The following C9orf153 variants were observed in gnomAD, a reference collection of about 807,000 sequenced individuals.
C9orf153 encodes uncharacterized protein C9orf153.
Under a neutral mutation model 9.0 loss-of-function variants are expected in C9orf153, and 10 were observed. That is an observed-to-expected ratio of 1.11 (90% confidence interval 0.69 to 1.89). The LOEUF is 1.89. C9orf153 is among the 40% of genes most tolerant of loss of function. C9orf153 has a pLI of 0.00. For missense variants in C9orf153, 108 were observed against 111.0 expected (o/e 0.97, Z 0.12); for synonymous variants, 35 against 37.3 (o/e 0.94, Z 0.23).
intron 1 of C9orf153, among the ~76,000 whole-genome samples, chr9:86,249,649 AGC>A (rs1415236965): frequency 6.6e-6 from 1 of 151,988 alleles, no homozygotes; most frequent in African/African-American, 2.4e-5. Context: ...CCCGAGTTCA[AGC>A]AATTCTTCTG....
intron 1 of C9orf153, among the ~76,000 whole-genome samples, chr9:86,255,268 T>C (rs1825096060): frequency 6.6e-6 from 1 of 152,180 alleles, no homozygotes; most frequent in Admixed American, 6.5e-5. Context: ...AAAGTAGGAC[T>C]GACAGAAATA....
At chr9:86,251,291 A>T (rs142762446) in intron 1 of C9orf153, among the ~76,000 whole-genome samples, 18 of 152,310 alleles carry the variant, frequency 1.2e-4, no homozygotes, top group Non-Finnish European at 1.5e-4. Context: ...ACTTATTTAG[A>T]TCTGTTAGTA....
chr9:86,243,469 CTTTT>C (rs11297338), intron 1 of C9orf153, among the ~76,000 whole-genome samples: 1 of 134,708 alleles, frequency 7.4e-6, no homozygotes, highest in Non-Finnish European at 1.6e-5. Context: ...TTCTTTTCTT[CTTTT>C]TTTTTTTTTG....
At chr9:86,236,934 CTAAA>C (rs1338468352) in intron 1 of C9orf153, among the ~76,000 whole-genome samples, 11 of 129,828 alleles carry the variant, frequency 8.5e-5, no homozygotes, top group Admixed American at 8.2e-4. Flanking sequence ...GACCCCGTCT[CTAAA>C]TAAAAAAAAA....
intron 3 of C9orf153, among the ~76,000 whole-genome samples, chr9:86,226,254 T>G (rs1824329209): frequency 6.6e-6 from 1 of 152,232 alleles, no homozygotes. Context: ...CTTCCAACTC[T>G]TTGGACCAAA....
chr9:86,226,940 A>G (rs1824350760), intron 3 of C9orf153, among the ~76,000 whole-genome samples: 1 of 151,908 alleles, frequency 6.6e-6, no homozygotes, highest in Admixed American at 6.6e-5. Flanking sequence ...AATTTTTTGT[A>G]TTTTTAGTAG....
At chr9:86,256,258 G>A (rs563779894) in intron 1 of C9orf153, among the ~76,000 whole-genome samples, 22 of 152,258 alleles carry the variant, frequency 1.4e-4, no homozygotes, top group Non-Finnish European at 2.5e-4. Flanking sequence ...CACTATGTGC[G>A]TTCACAGATG....
At chr9:86,232,734 T>C (rs780048942) in intron 1 of C9orf153, among the ~76,000 whole-genome samples, 10 of 152,092 alleles carry the variant, frequency 6.6e-5, no homozygotes, top group Non-Finnish European at 1.2e-4. Context: ...ATTCTTTTTC[T>C]TTTCTTTTCT....
intron 1 of C9orf153, among the ~76,000 whole-genome samples, chr9:86,246,639 G>A (rs1228132452): frequency 2.6e-5 from 4 of 152,104 alleles, no homozygotes; most frequent in Admixed American, 1.3e-4. Context: ...TAATTGTCTT[G>A]AGCATGAAAA....
chr9:86,255,181 TATCTAAC>T (rs1376336960), intron 1 of C9orf153, among the ~76,000 whole-genome samples: 7 of 137,010 alleles, frequency 5.1e-5, no homozygotes, highest in Non-Finnish European at 8.0e-5. Flanking sequence ...TGCCTATCTC[TATCTAAC>T]AACTTCTAAC....
chr9:86,253,665 G>T (rs1378453603), intron 1 of C9orf153, among the ~76,000 whole-genome samples: 4 of 152,184 alleles, frequency 2.6e-5, no homozygotes, highest in Non-Finnish European at 4.4e-5. Context: ...CACGATCATG[G>T]CTCACTAAAG....
rs572565218 is a variant in C9orf153 at position 86,225,912 on chromosome 9, T to G, written c.242+1943A>C. Among the ~76,000 whole-genome samples the G allele has an allele frequency of 9.9e-5, 15 of 152,264 alleles. 1 individual carries two copies. In the South Asian group the frequency reaches 2.9e-3, roughly 29 times the overall value. ...AGACCACATCAGAGACCTCCAGAAG[T>G]TAGGTAACCAGCAGGTAATTCATGC... On this transcript the variant is annotated intron_variant, in intron 3 of 3. Transcript: ENST00000339137.
chr9:86,238,279 A>G (rs1034864076), intron 1 of C9orf153, among the ~76,000 whole-genome samples: 1 of 152,162 alleles, frequency 6.6e-6, no homozygotes, highest in Non-Finnish European at 1.5e-5. Context: ...CCATCAATCA[A>G]CTGGATATAA....
At chr9:86,238,578 T>C (rs986749407) in intron 1 of C9orf153, among the ~76,000 whole-genome samples, 3 of 152,210 alleles carry the variant, frequency 2.0e-5, no homozygotes, top group Non-Finnish European at 4.4e-5. Context: ...GAGAACGACA[T>C]ACCCCAAGAG....
At chr9:86,258,747 A>C (rs1825181530) in intron 1 of C9orf153, 1 of 152,214 alleles carries the variant, frequency 6.6e-6, no homozygotes, top group Non-Finnish European at 1.5e-5. Flanking sequence ...TAAAAATATT[A>C]ATATACTTAA....
At chr9:86,231,616 CAT>C (rs1587799351) in intron 1 of C9orf153, among the ~76,000 whole-genome samples, 2 of 150,562 alleles carry the variant, frequency 1.3e-5, no homozygotes, top group South Asian at 4.2e-4. Flanking sequence ...TATATATATA[CAT>C]GTATGTATAT....
chr9:86,224,046 G>A (rs1824264353), intron 3 of C9orf153, among the ~76,000 whole-genome samples: 2 of 152,140 alleles, frequency 1.3e-5, no homozygotes, highest in African/African-American at 4.8e-5. Context: ...CTTGAGCTCA[G>A]GAGTTTGAGG....
At chr9:86,234,858 A>T (rs1824545312) in intron 1 of C9orf153, among the ~76,000 whole-genome samples, 2 of 152,188 alleles carry the variant, frequency 1.3e-5, no homozygotes, top group Admixed American at 1.3e-4. Context: ...ATCAGCAATT[A>T]AAAGACAACC....
At chr9:86,226,090 AG>A (rs1488185722) in intron 3 of C9orf153, among the ~76,000 whole-genome samples, 1 of 152,188 alleles carries the variant, frequency 6.6e-6, no homozygotes, top group African/African-American at 2.4e-5. Flanking sequence ...CTCTGGTCCC[AG>A]GCTTTACTTG....
Sources: gnomAD v4.1 joint callset for allele counts (sites outside exome capture counted in the v4.1 genomes callset) on GRCh38, gnomAD v4.1.1 for gene constraint, MANE v1.5 for transcripts, NCBI Gene and HGNC (gene_info 2026-07-23, HGNC 2026-07-21) for gene names.